Variants in PRELID2 observed in about 807,000 individuals in gnomAD.
PRELID2 encodes PRELI domain containing 2.
In PRELID2, 25 loss-of-function variants were observed where a neutral mutation model predicts 28.4. The ratio of observed to expected loss-of-function variants is 0.88; its 90% CI spans 0.64 to 1.23. PRELID2 has a LOEUF of 1.23. Among genes scored for constraint, PRELID2 ranks in the 50% most tolerant of loss-of-function variants. The probability of loss-of-function intolerance (pLI) is 0.00; values close to 1 mark genes in which losing one functional copy is unlikely to be tolerated. For missense variants in PRELID2, 201 were observed against 214.4 expected, an observed-to-expected ratio of 0.94 and a Z score of 0.39; for synonymous variants, 76 against 71.6, an observed-to-expected ratio of 1.06 and a Z score of -0.31.
At chr5:145,561,288 A>C (rs1752923297) in intron 1 of PRELID2, among the ~76,000 whole-genome samples, 1 of 152,168 alleles carries the variant, frequency 6.6e-6, no homozygotes, top group African/African-American at 2.4e-5. Context: ...TGGGCCCTTG[A>C]CCAAGAGCAG....
intron 1 of PRELID2, among the ~76,000 whole-genome samples, chr5:145,641,149 A>T (rs1754100550): frequency 6.6e-6 from 1 of 152,206 alleles, no homozygotes; most frequent in African/African-American, 2.4e-5. Flanking sequence ...AAAGTGAGGT[A>T]AATTTGACTA....
the PRELID2 span, among the ~76,000 whole-genome samples, chr5:145,433,075 C>T: frequency 6.6e-6 from 1 of 152,066 alleles, no homozygotes; most frequent in East Asian, 1.9e-4. Flanking sequence ...TAAGATGCCC[C>T]AGCAGATATT....
chr5:145,821,978 A>C (rs1372568852), intron 2 of PRELID2, among the ~76,000 whole-genome samples: 3 of 152,212 alleles, frequency 2.0e-5, no homozygotes, highest in African/African-American at 7.2e-5. Context: ...TTTCTCTCAC[A>C]CTGCAGGTAC....
intron 1 of PRELID2, among the ~76,000 whole-genome samples, chr5:145,661,666 TAAAAA>T (rs567073073): frequency 6.2e-5 from 6 of 97,172 alleles, no homozygotes; most frequent in African/African-American, 1.6e-4. Flanking sequence ...AACAAGCCAT[TAAAAA>T]AAAAAAAAAA....
the PRELID2 span, among the ~76,000 whole-genome samples, chr5:145,249,935 CTG>C: frequency 6.8e-6 from 1 of 147,948 alleles, no homozygotes; most frequent in Non-Finnish European, 1.5e-5. Flanking sequence ...CTCTCTCTCT[CTG>C]TCTCTCTCTC....
intron 1 of PRELID2, among the ~76,000 whole-genome samples, chr5:145,675,787 T>C (rs1053000989): frequency 6.6e-6 from 1 of 152,208 alleles, no homozygotes; most frequent in Non-Finnish European, 1.5e-5. Flanking sequence ...CAGAAAATGT[T>C]TGCTGAACTC....
chr5:145,331,657 G>A, the PRELID2 span, among the ~76,000 whole-genome samples: 1 of 151,776 alleles, frequency 6.6e-6, no homozygotes, highest in Non-Finnish European at 1.5e-5. Context: ...TTGAGCCTAT[G>A]TGTGTCTTTG....
intron 1 of PRELID2, among the ~76,000 whole-genome samples, chr5:145,827,276 C>T (rs1265019650): frequency 2.0e-5 from 3 of 152,038 alleles, no homozygotes; most frequent in Non-Finnish European, 4.4e-5. Flanking sequence ...TTATGAGCTC[C>T]ACACCATAGT....
the PRELID2 span, among the ~76,000 whole-genome samples, chr5:145,429,118 CTGTG>C: frequency 6.6e-6 from 1 of 152,148 alleles, no homozygotes; most frequent in Non-Finnish European, 1.5e-5. Context: ...ACTTTGGAGA[CTGTG>C]TGAAAACATT....
At chr5:145,320,691 G>C in the PRELID2 span, among the ~76,000 whole-genome samples, 1 of 152,190 alleles carries the variant, frequency 6.6e-6, no homozygotes, top group African/African-American at 2.4e-5. Flanking sequence ...TTCGATCACT[G>C]TTAATAGAAA....
chr5:145,315,064 CTTTT>C, the PRELID2 span, among the ~76,000 whole-genome samples: 2 of 100,586 alleles, frequency 2.0e-5, no homozygotes, highest in Admixed American at 2.2e-4. Flanking sequence ...TACAATAATT[CTTTT>C]TTTTTTTTTT....
At chr5:145,375,972 G>A in the PRELID2 span, among the ~76,000 whole-genome samples, 1 of 152,198 alleles carries the variant, frequency 6.6e-6, no homozygotes, top group Non-Finnish European at 1.5e-5. Flanking sequence ...CTTTTCTTGT[G>A]CCAGTTTTCA....
chr5:145,551,891 G>A (rs1752838516), intron 1 of PRELID2, among the ~76,000 whole-genome samples: 1 of 152,112 alleles, frequency 6.6e-6, no homozygotes, highest in Admixed American at 6.5e-5. Context: ...CAGGGACACA[G>A]CCAACCCACA....
the PRELID2 span, among the ~76,000 whole-genome samples, chr5:145,420,069 T>C: frequency 6.6e-6 from 1 of 152,074 alleles, no homozygotes; most frequent in Non-Finnish European, 1.5e-5. Flanking sequence ...CTGAGGACTC[T>C]GTTCTGTTCC....
At chr5:145,249,762 T>G in the PRELID2 span, among the ~76,000 whole-genome samples, 7 of 152,134 alleles carry the variant, frequency 4.6e-5, no homozygotes. Context: ...TTGTAATGCC[T>G]AAAGGGATAT....
chr5:145,282,221 A>C, the PRELID2 span, among the ~76,000 whole-genome samples: 1 of 152,156 alleles, frequency 6.6e-6, no homozygotes, highest in African/African-American at 2.4e-5. Context: ...AAATGATTGA[A>C]TTTACTTTCA....
chr5:145,428,156 A>G, the PRELID2 span, among the ~76,000 whole-genome samples: 1 of 152,050 alleles, frequency 6.6e-6, no homozygotes, highest in Admixed American at 6.6e-5. Context: ...ATGGGGTTTC[A>G]CCGTGTTGGT....
chr5:145,273,002 G>A, the PRELID2 span, among the ~76,000 whole-genome samples: 2 of 152,070 alleles, frequency 1.3e-5, no homozygotes, highest in East Asian at 3.9e-4. Context: ...AGCAGGTGGG[G>A]CCAGAGAGGC....
chr5:145,804,111 T>C (rs1753337009), intron 4 of PRELID2, among the ~76,000 whole-genome samples: 1 of 152,164 alleles, frequency 6.6e-6, no homozygotes, highest in Admixed American at 6.5e-5. Flanking sequence ...ATCAACAGGG[T>C]ATGCCATAAC....
Sources: allele counts gnomAD v4.1 joint callset (sites outside exome capture counted in the v4.1 genomes callset), GRCh38; gene constraint gnomAD v4.1.1; transcripts MANE v1.5; gene names NCBI Gene and HGNC (gene_info 2026-07-23, HGNC 2026-07-21).